The following TMEM72 variants were observed in gnomAD, a reference collection of about 807,000 sequenced individuals.
TMEM72 encodes kidney-specific secretory protein of 37 kDa.
Under a neutral mutation model 16.3 loss-of-function variants are expected in TMEM72, and 9 were observed. The observed-to-expected ratio is 0.55, with a 90% CI of 0.33 to 0.96. TMEM72 has a LOEUF of 0.96. TMEM72 is among the 40% of genes least tolerant of loss of function. The pLI, the probability that TMEM72 is intolerant of heterozygous loss-of-function variation, is 0.03. For synonymous variants in TMEM72, 160 were observed against 146.5 expected (o/e 1.09, Z -0.66); for missense variants, 324 against 337.8 (o/e 0.96, Z 0.32).
At chr10:44,926,154 C>T (rs1840188395) in intron 1 of TMEM72, among the ~76,000 whole-genome samples, 3 of 151,988 alleles carry the variant, frequency 2.0e-5, no homozygotes, top group Non-Finnish European at 4.4e-5. Context: ...TATATACTCA[C>T]ATATACACAT....
chr10:44,934,104 A>C (rs1840352185), intron 4 of TMEM72, among the ~76,000 whole-genome samples: 1 of 152,136 alleles, frequency 6.6e-6, no homozygotes. Flanking sequence ...TTCCCTGCCC[A>C]AACCCTTCTG....
At chr10:44,934,609 T>C in intron 4 of TMEM72, 47 bp from the exon 5 acceptor site, 1 of 1,499,546 alleles carries the variant, frequency 6.7e-7, no homozygotes, top group Non-Finnish European at 8.9e-7. Flanking sequence ...GGACTCCGGA[T>C]TTTTTCCGTG....
At chr10:44,922,674 C>T (rs950789684) in intron 1 of TMEM72, among the ~76,000 whole-genome samples, 2 of 152,170 alleles carry the variant, frequency 1.3e-5, no homozygotes, top group Admixed American at 1.3e-4. Flanking sequence ...GTGGGAGGGA[C>T]CTGCTTTGGA....
rs58256493 is a variant in TMEM72 at position 44,911,737 on chromosome 10, A to G, written c.70+155A>G. ...GACCCCTAGAAACACTGCTCTGTAG[A>G]GCAGCAGCAAGTGCAGTGGGGTGAG... On this transcript the variant is annotated intron_variant, in intron 1 of 4. Coordinates refer to ENST00000389583, the MANE Select transcript of TMEM72 (RefSeq NM_001123376.3). 7.4e-3 allele frequency among the ~76,000 whole-genome samples: 1,121 copies of G among 152,312 alleles called. 34 individuals carry two copies. The East Asian group carries it at 0.094, about 13-fold the overall frequency.
intron 2 of TMEM72, among the ~76,000 whole-genome samples, chr10:44,930,209 A>T (rs1589047589): frequency 6.6e-6 from 1 of 152,100 alleles, no homozygotes; most frequent in Admixed American, 6.5e-5. Flanking sequence ...AGCACTCAGT[A>T]CCTGCCCTGT....
At chr10:44,923,631 T>C (rs1170384258) in intron 1 of TMEM72, among the ~76,000 whole-genome samples, 1 of 152,170 alleles carries the variant, frequency 6.6e-6, no homozygotes, top group Non-Finnish European at 1.5e-5. Context: ...GGGCCTACTG[T>C]CTACATGGCG....
chr10:44,924,120 C>T (rs766853411), intron 1 of TMEM72, among the ~76,000 whole-genome samples: 7 of 152,172 alleles, frequency 4.6e-5, no homozygotes, highest in Non-Finnish European at 8.8e-5. Context: ...CTTCTGCTCA[C>T]GCTGCAGAGC....
chr10:44,931,310 A>G (rs1473084786), intron 2 of TMEM72, among the ~76,000 whole-genome samples: 1 of 152,240 alleles, frequency 6.6e-6, no homozygotes, highest in Non-Finnish European at 1.5e-5. Flanking sequence ...CCTGGGAGCC[A>G]TGAATTCTAC....
intron 2 of TMEM72, among the ~76,000 whole-genome samples, chr10:44,928,455 C>T (rs1840236891): frequency 6.6e-6 from 1 of 151,678 alleles, no homozygotes; most frequent in South Asian, 2.1e-4. Context: ...TTCACCCACC[C>T]ATCTATTTAT....
intron 2 of TMEM72, among the ~76,000 whole-genome samples, chr10:44,930,561 G>GT (rs1258354604): frequency 6.6e-6 from 1 of 152,102 alleles, no homozygotes; most frequent in East Asian, 1.9e-4. Context: ...GTTGATATTT[G>GT]TAAGGCCTTT....
rs1447394786 is a variant in TMEM72 at position 44,936,067 on chromosome 10, G to A, written c.*933G>A. 6.6e-6 allele frequency: 1 copy of A among 152,274 alleles called. No individual in the cohort carries two copies. Among genetic ancestry groups the A allele is most frequent in the Admixed American group, 6.5e-5 (1 of 15,284 alleles). 9.4% of individuals were successfully genotyped at this position (152,274 alleles called of 1,614,324 possible). A position where few individuals can be genotyped will look rare whatever the true frequency, so the allele number is the denominator to read the frequency against. On this transcript the variant is annotated 3_prime_UTR_variant, in exon 5 of 5. Coordinates refer to ENST00000389583, the MANE Select transcript of TMEM72 (RefSeq NM_001123376.3). ...AAGAGGAGGGAAAATGGGAGGATAG[G>A]AGGAAGTGGGCAGGCAGGCAAGTTC...
chr10:44,928,557 T>C (rs1309243670), intron 2 of TMEM72, among the ~76,000 whole-genome samples: 5 of 151,242 alleles, frequency 3.3e-5, no homozygotes, highest in East Asian at 2.0e-4. Context: ...TATCCATCCA[T>C]CTTCCAATTC....
At chr10:44,927,277 A>G (rs186283525) in intron 1 of TMEM72, among the ~76,000 whole-genome samples, 9 of 152,210 alleles carry the variant, frequency 5.9e-5, no homozygotes, top group Non-Finnish European at 1.3e-4. Flanking sequence ...GAGCACCCAG[A>G]GACAGCAAGT....
intron 2 of TMEM72, among the ~76,000 whole-genome samples, chr10:44,929,952 G>C (rs1439840039): frequency 6.6e-6 from 1 of 152,252 alleles, no homozygotes; most frequent in Non-Finnish European, 1.5e-5. Flanking sequence ...GTGTCTAACT[G>C]ACCATGTCCC....
At chr10:44,923,045 C>T (rs980311975) in intron 1 of TMEM72, 6 of 152,260 alleles carry the variant, frequency 3.9e-5, no homozygotes, top group African/African-American at 7.2e-5. Flanking sequence ...CTTTGTGATT[C>T]GGAAATTCTG....
intron 1 of TMEM72, among the ~76,000 whole-genome samples, chr10:44,912,230 C>T (rs1839947951): frequency 6.6e-6 from 1 of 152,148 alleles, no homozygotes; most frequent in African/African-American, 2.4e-5. Context: ...TTCCTTCACC[C>T]AGCAGAATCA....
At chr10:44,932,477 G>A (rs377003206) in intron 3 of TMEM72, among the ~76,000 whole-genome samples, 1 of 152,188 alleles carries the variant, frequency 6.6e-6, no homozygotes, top group African/African-American at 2.4e-5. Flanking sequence ...CCTAGGGCCC[G>A]GGGGCAAGTC....
At chr10:44,914,677 G>A (rs1048028579) in intron 1 of TMEM72, among the ~76,000 whole-genome samples, 2 of 152,218 alleles carry the variant, frequency 1.3e-5, no homozygotes, top group East Asian at 3.8e-4. Context: ...TCAGGCCCCA[G>A]AGGAGGCTCA....
chr10:44,928,856 A>G (rs1427986713), intron 2 of TMEM72, among the ~76,000 whole-genome samples: 1 of 152,132 alleles, frequency 6.6e-6, no homozygotes, highest in Non-Finnish European at 1.5e-5. Flanking sequence ...CTACTCATCC[A>G]TACACCCACC....
Sources: allele counts gnomAD v4.1 joint callset (sites outside exome capture counted in the v4.1 genomes callset), GRCh38; gene constraint gnomAD v4.1.1; transcripts MANE v1.5; gene names NCBI Gene and HGNC (gene_info 2026-07-23, HGNC 2026-07-21).